The following TGM4 variants were observed in gnomAD, a reference collection of about 807,000 sequenced individuals.
TGM4 encodes the protein protein-glutamine gamma-glutamyltransferase 4.
Under a neutral mutation model 76.3 loss-of-function variants are expected in TGM4, and 61 were observed. The observed-to-expected ratio is 0.80, with a 90% confidence interval of 0.65 to 0.99. The LOEUF (loss-of-function observed/expected upper bound fraction) is 0.99, where lower values mean the gene tolerates loss of function less well. Ranked by LOEUF, TGM4 falls within the 50% of genes least tolerant of loss-of-function variation. TGM4 has a pLI of 0.00. For missense variants in TGM4, 794 were observed against 843.2 expected (o/e 0.94, Z 0.72); for synonymous variants, 337 against 329.8 (o/e 1.02, Z -0.24).
chr3:44,897,449 G>T (rs1355868758), intron 6 of TGM4, among the ~76,000 whole-genome samples: 4 of 152,194 alleles, frequency 2.6e-5, no homozygotes, highest in African/African-American at 9.7e-5. Context: ...TGCAAGCTGG[G>T]CTCCAGTTGG....
intron 4 of TGM4, among the ~76,000 whole-genome samples, chr3:44,891,510 T>C (rs1476524160): frequency 1.2e-5 from 1 of 83,480 alleles, no homozygotes; most frequent in East Asian, 2.0e-4. Flanking sequence ...CCCTCCCTCC[T>C]CTACACACAC....
intron 10 of TGM4, among the ~76,000 whole-genome samples, chr3:44,907,615 G>T (rs1699942880): frequency 2.0e-5 from 3 of 152,182 alleles, no homozygotes; most frequent in Admixed American, 2.0e-4. Flanking sequence ...TCTGGCCCCT[G>T]CAGAGCTGGC....
intron 2 of TGM4, among the ~76,000 whole-genome samples, 171 bp from the exon 3 acceptor site, chr3:44,887,518 G>A (rs1411296092): frequency 2.0e-5 from 3 of 152,174 alleles, no homozygotes; most frequent in Non-Finnish European, 4.4e-5. Flanking sequence ...CTGGACATGT[G>A]GGGCAGAAGG....
chr3:44,901,603 G>C lies in TGM4; in HGVS notation c.737G>C (p.Trp246Ser), dbSNP rs141570641. ...GAAGGTGGCACAGCCCCATACAAGT[G>C]GACAGGCAGTGCCCCGATCCTGCAG... ...DYEGGTAPYKWTGSAPILQQY... is the reference protein window; with the variant it reads ...DYEGGTAPYKSTGSAPILQQY... Residue 246 changes from tryptophan (W) to serine (S), a missense_variant, in exon 7 of 14, where the codon TGG becomes TCG. Trp to Ser is a radical substitution (Grantham distance 177). Transcript: ENST00000296125. 2 of 1,614,038 alleles carry C rather than the reference G, an allele frequency of 1.2e-6. No homozygotes were observed. Among genetic ancestry groups the C allele is most frequent in the African/African-American group, 1.3e-5 (1 of 74,934 alleles).
At chr3:44,902,439 A>C (rs2125757328) in intron 8 of TGM4, among the ~76,000 whole-genome samples, 1 of 152,184 alleles carries the variant, frequency 6.6e-6, no homozygotes, top group Non-Finnish European at 1.5e-5. Flanking sequence ...ATCTCTACTA[A>C]AAATACAAAA....
At chr3:44,908,823 T>C (rs1045243443) in intron 10 of TGM4, among the ~76,000 whole-genome samples, 1 of 152,180 alleles carries the variant, frequency 6.6e-6, no homozygotes, top group Non-Finnish European at 1.5e-5. Flanking sequence ...GGACAGTTTT[T>C]ATTGACTGTT....
rs543073680 is a variant in TGM4, at chr3:44,890,157, CA to C, written c.301-445del. 1.8e-4 allele frequency among the ~76,000 whole-genome samples: 28 copies of C among 152,284 alleles called. No homozygotes were observed. The East Asian group carries it at 5.2e-3, about 28-fold the overall frequency. ...CCCCCATGATTCAATCACCTCCCAC[CA>C]GGTCCCTCACTCAACATGTGGGGAT... On this transcript the variant is annotated intron_variant, in intron 3 of 13. Coordinates refer to ENST00000296125, the MANE Select transcript of TGM4 (RefSeq NM_003241.4).
At chr3:44,881,564 T>A (rs1699533292) in intron 1 of TGM4, among the ~76,000 whole-genome samples, 1 of 152,234 alleles carries the variant, frequency 6.6e-6, no homozygotes, top group Non-Finnish European at 1.5e-5. Flanking sequence ...GGTCTTCCTC[T>A]TCTTATAAAG....
intron 6 of TGM4, among the ~76,000 whole-genome samples, chr3:44,897,976 C>A (rs1325908128): frequency 6.6e-6 from 1 of 151,986 alleles, no homozygotes; most frequent in Non-Finnish European, 1.5e-5. Flanking sequence ...CACACGGATA[C>A]GTAGATTTAA....
At chr3:44,904,822 C>T (rs1404997643) in intron 9 of TGM4, among the ~76,000 whole-genome samples, 1 of 151,660 alleles carries the variant, frequency 6.6e-6, no homozygotes, top group Non-Finnish European at 1.5e-5. Context: ...GCTGGGACTA[C>T]AGGTGCACAC....
intron 5 of TGM4, 68 bp downstream of exon 5, chr3:44,893,763 A>G: frequency 7.4e-7 from 1 of 1,353,372 alleles, no homozygotes; most frequent in Non-Finnish European, 1.1e-6. Flanking sequence ...GCTGGGTAGT[A>G]GTCAGTAAAG....
Position 44,885,375 on chromosome 3 carries a change from C to T in TGM4, c.70C>T (p.His24Tyr). 5 of 1,613,924 alleles carry T rather than the reference C, an allele frequency of 3.1e-6. No homozygotes were observed. The highest frequency in any genetic ancestry group is 4.2e-6 in the Non-Finnish European group (5 of 1,179,846). The change falls in exon 2 of 14, where the codon CAC becomes TAC. Residue 24 changes from histidine (H) to tyrosine (Y), a missense_variant. His to Tyr is a moderately conservative substitution (Grantham distance 83). Coordinates refer to ENST00000296125, the MANE Select transcript of TGM4 (RefSeq NM_003241.4). The part of the protein sequence containing the change: ...DFLNQDNAVS[H>Y]HTWEFQTSSP... ...CTTGAATCAGGACAACGCCGTTTCTCACCACACATGGGAGTTCCAAACGAG... is the reference window on the plus strand; with the variant it reads ...CTTGAATCAGGACAACGCCGTTTCTTACCACACATGGGAGTTCCAAACGAG...
intron 1 of TGM4, among the ~76,000 whole-genome samples, chr3:44,883,306 G>T (rs1401691364): frequency 6.6e-6 from 1 of 152,158 alleles, no homozygotes; most frequent in East Asian, 1.9e-4. Context: ...TTTAAGAGTT[G>T]ATTAGGTGAT....
chr3:44,890,966 C>T (rs1418886875), intron 4 of TGM4, among the ~76,000 whole-genome samples: 1 of 152,184 alleles, frequency 6.6e-6, no homozygotes, highest in African/African-American at 2.4e-5. Context: ...CCTCGCCCTG[C>T]CCCAGCTGGC....
intron 10 of TGM4, among the ~76,000 whole-genome samples, chr3:44,909,774 G>T (rs1304748390): frequency 6.6e-6 from 1 of 152,220 alleles, no homozygotes; most frequent in East Asian, 1.9e-4. Flanking sequence ...ATGCTCCTTA[G>T]ATTATTATAA....
intron 1 of TGM4, among the ~76,000 whole-genome samples, chr3:44,877,276 G>T (rs150097730): frequency 6.6e-6 from 1 of 151,986 alleles, no homozygotes; most frequent in African/African-American, 2.4e-5. Context: ...GTGAAACCCC[G>T]TCTCTACTAA....
chr3:44,913,171 C>A (rs996688634), intron 13 of TGM4, among the ~76,000 whole-genome samples: 1 of 152,196 alleles, frequency 6.6e-6, no homozygotes, highest in Admixed American at 6.5e-5. Flanking sequence ...GCTAGTATTG[C>A]GAAGCCCCAG....
chr3:44,876,383 G>A (rs534858296), intron 1 of TGM4: 146 of 152,308 alleles, frequency 9.6e-4, no homozygotes, highest in African/African-American at 3.4e-3. Context: ...ATGACTCCAT[G>A]GTGTTTTCAT....
At chr3:44,912,481 C>G (rs1471297994) in intron 13 of TGM4, among the ~76,000 whole-genome samples, 2 of 152,134 alleles carry the variant, frequency 1.3e-5, no homozygotes, top group Non-Finnish European at 2.9e-5. Flanking sequence ...AATATAACAT[C>G]ATACCACTTA....
Sources: allele counts gnomAD v4.1 joint callset (sites outside exome capture counted in the v4.1 genomes callset), GRCh38; gene constraint gnomAD v4.1.1; transcripts MANE v1.5; gene names NCBI Gene and HGNC (gene_info 2026-07-23, HGNC 2026-07-21).